RGS7: variants seen among roughly 807,000 people sequenced by gnomAD.
The protein encoded by RGS7 is regulator of G-protein signaling 7.
In RGS7, 27 loss-of-function variants were observed where a neutral mutation model predicts 81.1. The ratio of observed to expected loss-of-function variants is 0.33; its 90% CI spans 0.25 to 0.46. The LOEUF is 0.46. Ranked by LOEUF, RGS7 falls within the 20% of genes least tolerant of loss-of-function variation. RGS7 has a pLI of 1.00. For synonymous variants in RGS7, 208 were observed against 207.7 expected, an observed-to-expected ratio of 1.00 and a Z score of -0.01; for missense variants, 396 against 607.4, an observed-to-expected ratio of 0.65 and a Z score of 3.66.
At position 241,251,217 on chromosome 1, in the gene RGS7, CT is replaced by C. The variant is rs2076811244; in HGVS notation, c.78+104481del. Among the ~76,000 whole-genome samples, 6 of 152,290 alleles carry C rather than the reference CT, an allele frequency of 3.9e-5. No individual in the cohort carries two copies. In the South Asian group the frequency reaches 1.2e-3, roughly 32 times the overall value. On this transcript the variant is annotated intron_variant, in intron 2 of 18. Coordinates refer to ENST00000440928, the MANE Select transcript of RGS7 (RefSeq NM_001364886.1). ...CAAATTAACTCCTGGATGCTTTTAA[CT>C]AATTTTTGTGTTTGGTGCTAATGAA...
At chr1:241,181,577 T>C (rs867412988) in intron 2 of RGS7, among the ~76,000 whole-genome samples, 2 of 152,216 alleles carry the variant, frequency 1.3e-5, no homozygotes, top group Non-Finnish European at 2.9e-5. Context: ...TCAGAGCTGC[T>C]AGAAGTTATA....
intron 9 of RGS7, among the ~76,000 whole-genome samples, chr1:240,828,794 G>GACAA (rs1005757792): frequency 1.6e-4 from 25 of 152,116 alleles, no homozygotes; most frequent in Non-Finnish European, 1.6e-4. Flanking sequence ...TCTCAAAACA[G>GACAA]ACAAACAAAC....
At chr1:241,233,654 T>C (rs975608988) in intron 2 of RGS7, among the ~76,000 whole-genome samples, 3 of 152,220 alleles carry the variant, frequency 2.0e-5, no homozygotes, top group African/African-American at 7.2e-5. Context: ...AACACTTAGA[T>C]TGACTCCACA....
At chr1:240,968,468 T>A (rs1205571369) in intron 4 of RGS7, among the ~76,000 whole-genome samples, 2 of 151,990 alleles carry the variant, frequency 1.3e-5, no homozygotes, top group African/African-American at 4.8e-5. Context: ...AAAGCCCAGG[T>A]ATTAGTGAGC....
chr1:240,952,734 T>G (rs746842688), intron 4 of RGS7, among the ~76,000 whole-genome samples: 32 of 151,682 alleles, frequency 2.1e-4, no homozygotes, highest in Non-Finnish European at 3.8e-4. Flanking sequence ...ATACACCAAC[T>G]AAAAAGCAGA....
intron 6 of RGS7, among the ~76,000 whole-genome samples, chr1:240,871,312 T>C (rs984716625): frequency 2.6e-5 from 4 of 152,176 alleles, no homozygotes; most frequent in Non-Finnish European, 5.9e-5. Flanking sequence ...AATATCACCT[T>C]TGCACTACAC....
intron 2 of RGS7, among the ~76,000 whole-genome samples, chr1:241,227,542 G>C (rs954483349): frequency 1.2e-4 from 16 of 135,014 alleles, no homozygotes; most frequent in African/African-American, 4.1e-4. Context: ...AAGCCAGCCT[G>C]GGACACACAG....
intron 10 of RGS7, among the ~76,000 whole-genome samples, chr1:240,818,575 A>G (rs1691223423): frequency 1.3e-5 from 2 of 152,220 alleles, no homozygotes; most frequent in South Asian, 4.1e-4. Flanking sequence ...ATTTCTTAAA[A>G]ATTATGTGTT....
chr1:240,927,344 C>T (rs1379052327), intron 6 of RGS7, among the ~76,000 whole-genome samples: 1 of 152,140 alleles, frequency 6.6e-6, no homozygotes, highest in African/African-American at 2.4e-5. Flanking sequence ...GGATTACAGG[C>T]GTGAGCCACC....
intron 3 of RGS7, among the ~76,000 whole-genome samples, chr1:241,062,904 T>G (rs923875453): frequency 6.6e-6 from 1 of 152,200 alleles, no homozygotes; most frequent in African/African-American, 2.4e-5. Context: ...CTTTCACAAG[T>G]GTATTTGGGC....
At chr1:241,254,360 G>A (rs2076969396) in intron 2 of RGS7, among the ~76,000 whole-genome samples, 1 of 152,132 alleles carries the variant, frequency 6.6e-6, no homozygotes, top group African/African-American at 2.4e-5. Context: ...AGTCAGATTG[G>A]GATGCTAGAA....
intron 2 of RGS7, among the ~76,000 whole-genome samples, chr1:241,263,133 CG>C (rs2077420832): frequency 6.6e-6 from 1 of 151,494 alleles, no homozygotes; most frequent in Non-Finnish European, 1.5e-5. Context: ...AAAAATTAGC[CG>C]GGCATGGTGG....
At chr1:241,062,344 C>T (rs1017708637) in intron 3 of RGS7, among the ~76,000 whole-genome samples, 9 of 152,158 alleles carry the variant, frequency 5.9e-5, no homozygotes, top group African/African-American at 1.9e-4. Flanking sequence ...AATGCTTGGC[C>T]GGCCAACAAC....
rs899963288 is a variant in RGS7 at position 241,324,601 on chromosome 1, C to G, written c.78+31098G>C. On this transcript the variant is annotated intron_variant, in intron 2 of 18. Transcript: ENST00000440928. ...TAATTAAATACTCTTCTGGAACACA[C>G]CACTGTCTGCTGAATAAAGACCAGA... 2.0e-5 allele frequency among the ~76,000 whole-genome samples: 3 copies of G among 152,204 alleles called. No homozygotes were observed. The South Asian group carries it at 6.2e-4, about 32-fold the overall frequency.
At chr1:241,018,408 T>A (rs1312060864) in intron 3 of RGS7, among the ~76,000 whole-genome samples, 1 of 152,170 alleles carries the variant, frequency 6.6e-6, no homozygotes, top group Non-Finnish European at 1.5e-5. Flanking sequence ...AGTATGAGAT[T>A]ACCTTTATTT....
intron 6 of RGS7, among the ~76,000 whole-genome samples, chr1:240,887,226 GT>G (rs71297739): frequency 6.1e-4 from 47 of 76,430 alleles, no homozygotes; most frequent in East Asian, 3.9e-3. Flanking sequence ...GAGTATATAG[GT>G]TTTTTTTTTT....
In RGS7 at chr1:241,017,906, G is replaced by C. The variant is rs544204103; in HGVS notation, c.176-34777C>G. ...CATAGTTATTTTAAGTTTCCTGTCTGTTAATTCCAACATCTGTTTCATATG... is the reference window on the plus strand; with the variant it reads ...CATAGTTATTTTAAGTTTCCTGTCTCTTAATTCCAACATCTGTTTCATATG... On this transcript the variant is annotated intron_variant, in intron 3 of 18. Coordinates refer to ENST00000440928, the MANE Select transcript of RGS7 (RefSeq NM_001364886.1). 4.9e-4 allele frequency among the ~76,000 whole-genome samples: 74 copies of C among 152,152 alleles called. No homozygotes were observed. In the Middle Eastern group the frequency reaches 0.01, roughly 21 times the overall value.
intron 3 of RGS7, among the ~76,000 whole-genome samples, chr1:241,015,081 CCATTT>C (rs1465957381): frequency 6.6e-6 from 1 of 152,132 alleles, no homozygotes; most frequent in Non-Finnish European, 1.5e-5. Context: ...AAAAATTCTC[CCATTT>C]CATATTCACA....
intron 2 of RGS7, among the ~76,000 whole-genome samples, chr1:241,102,967 T>A (rs532509225): frequency 2.3e-4 from 35 of 150,488 alleles, no homozygotes; most frequent in African/African-American, 8.6e-4. Flanking sequence ...TTTCCCACTA[T>A]TAGCAACAGC....
Sources: allele counts gnomAD v4.1 joint callset (sites outside exome capture counted in the v4.1 genomes callset), GRCh38; gene constraint gnomAD v4.1.1; transcripts MANE v1.5; gene names NCBI Gene and HGNC (gene_info 2026-07-23, HGNC 2026-07-21).